The following PRELID2 variants were observed in gnomAD, a reference collection of about 807,000 sequenced individuals.
PRELID2 encodes the protein PRELI domain containing 2.
A neutral mutation model predicts 28.4 loss-of-function variants in PRELID2; 25 were observed. That is an observed-to-expected ratio of 0.88 (90% CI 0.64 to 1.23). PRELID2 has a LOEUF of 1.23. Ranked by LOEUF, PRELID2 falls within the 50% of genes most tolerant of loss-of-function variation. PRELID2 has a pLI of 0.00. For synonymous variants in PRELID2, 76 were observed against 71.6 expected, an observed-to-expected ratio of 1.06 and a Z score of -0.31; for missense variants, 201 against 214.4, an observed-to-expected ratio of 0.94 and a Z score of 0.39.
At chr5:145,313,761 G>C in the PRELID2 span, among the ~76,000 whole-genome samples, 2 of 152,162 alleles carry the variant, frequency 1.3e-5, no homozygotes, top group Non-Finnish European at 2.9e-5. Context: ...AAGAGTTGCA[G>C]CATTACATTA....
chr5:145,415,678 C>T, the PRELID2 span, among the ~76,000 whole-genome samples: 1 of 151,242 alleles, frequency 6.6e-6, no homozygotes, highest in Non-Finnish European at 1.5e-5. Context: ...TCCAGTCTAT[C>T]ATTGTTGGAC....
chr5:145,577,988 T>C (rs545304192), intron 1 of PRELID2, among the ~76,000 whole-genome samples: 12 of 152,266 alleles, frequency 7.9e-5, no homozygotes, highest in Admixed American at 7.9e-4. Flanking sequence ...ACATTTCTTC[T>C]CAGTGTAGGG....
intron 1 of PRELID2, among the ~76,000 whole-genome samples, chr5:145,550,778 G>C (rs547965538): frequency 6.6e-6 from 1 of 152,126 alleles, no homozygotes; most frequent in African/African-American, 2.4e-5. Context: ...GGTGTTTTCC[G>C]TTGTAGAGCC....
the PRELID2 span, among the ~76,000 whole-genome samples, chr5:145,456,839 C>T: frequency 6.6e-6 from 1 of 152,088 alleles, no homozygotes; most frequent in Non-Finnish European, 1.5e-5. Flanking sequence ...GTTATGAGCT[C>T]TTAATACTAT....
At chr5:145,561,629 G>T (rs745944630) in intron 1 of PRELID2, among the ~76,000 whole-genome samples, 9 of 152,178 alleles carry the variant, frequency 5.9e-5, no homozygotes, top group Non-Finnish European at 1.2e-4. Context: ...TAGATGAAAA[G>T]AAAGAGAGAG....
intron 1 of PRELID2, among the ~76,000 whole-genome samples, chr5:145,575,512 T>C (rs1753053110): frequency 6.6e-6 from 1 of 152,136 alleles, no homozygotes; most frequent in South Asian, 2.1e-4. Context: ...TAGCAGAAAT[T>C]AGAATGTAAA....
At chr5:145,781,638 C>T (rs1326263686) in intron 5 of PRELID2, among the ~76,000 whole-genome samples, 2 of 136,024 alleles carry the variant, frequency 1.5e-5, no homozygotes, top group Non-Finnish European at 3.1e-5. Context: ...TATATACACA[C>T]TATATATATA....
chr5:145,725,577 G>A (rs183170832), intron 1 of PRELID2, among the ~76,000 whole-genome samples: 517 of 152,274 alleles, frequency 3.4e-3, no homozygotes, highest in African/African-American at 0.012. Flanking sequence ...TGAAACAAAA[G>A]GCAGTAAGAT....
intron 1 of PRELID2, among the ~76,000 whole-genome samples, chr5:145,732,210 G>A (rs970453725): frequency 1.3e-5 from 2 of 152,176 alleles, no homozygotes; most frequent in Non-Finnish European, 2.9e-5. Context: ...CCTTTATCTT[G>A]CTGAATCTAG....
chr5:145,791,822 C>T (rs1752415219), intron 5 of PRELID2, among the ~76,000 whole-genome samples: 1 of 152,058 alleles, frequency 6.6e-6, no homozygotes, highest in African/African-American at 2.4e-5. Context: ...AATACATCTG[C>T]AGTACACAGA....
At chr5:145,339,507 A>C in the PRELID2 span, among the ~76,000 whole-genome samples, 1 of 152,162 alleles carries the variant, frequency 6.6e-6, no homozygotes, top group Non-Finnish European at 1.5e-5. Flanking sequence ...CAGATAGAGA[A>C]CTAACACACA....
chr5:145,460,260 T>A, the PRELID2 span, among the ~76,000 whole-genome samples: 1 of 152,220 alleles, frequency 6.6e-6, no homozygotes, highest in East Asian at 1.9e-4. Context: ...AATAAAGAGT[T>A]CTTCATACGC....
At chr5:145,790,523 C>T (rs770758663) in intron 5 of PRELID2, among the ~76,000 whole-genome samples, 25 of 151,740 alleles carry the variant, frequency 1.6e-4, no homozygotes, top group Non-Finnish European at 3.1e-4. Context: ...CAAAAAGTTT[C>T]GGTTAGACAG....
At chr5:145,371,994 G>A in the PRELID2 span, among the ~76,000 whole-genome samples, 7 of 151,244 alleles carry the variant, frequency 4.6e-5, no homozygotes, top group African/African-American at 1.7e-4. Context: ...GCTAGCTTTG[G>A]GATTAGTTTG....
chr5:145,494,252 G>A (rs1043324904), intron 1 of PRELID2, among the ~76,000 whole-genome samples: 6 of 152,162 alleles, frequency 3.9e-5, no homozygotes, highest in Middle Eastern at 3.2e-3. Context: ...TCTGTGCTAT[G>A]CTGAAAAAGA....
the PRELID2 span, among the ~76,000 whole-genome samples, chr5:145,242,996 AAAGAG>A: frequency 6.6e-6 from 1 of 152,114 alleles, no homozygotes; most frequent in Non-Finnish European, 1.5e-5. Flanking sequence ...AATTCTTTAG[AAAGAG>A]AAGAGTGGCT....
At chr5:145,230,676 G>C in the PRELID2 span, among the ~76,000 whole-genome samples, 1 of 152,310 alleles carries the variant, frequency 6.6e-6, no homozygotes, top group East Asian at 1.9e-4. Context: ...AAAATCATGG[G>C]TTAATACAAT....
At chr5:145,512,055 G>A (rs372383276) in intron 1 of PRELID2, among the ~76,000 whole-genome samples, 3 of 152,182 alleles carry the variant, frequency 2.0e-5, no homozygotes, top group African/African-American at 7.2e-5. Context: ...GAGGGAATCA[G>A]CAATGAATCC....
intron 1 of PRELID2, among the ~76,000 whole-genome samples, chr5:145,641,685 G>A (rs1226692362): frequency 6.6e-6 from 1 of 152,202 alleles, no homozygotes; most frequent in Non-Finnish European, 1.5e-5. Flanking sequence ...GCCCTGACAG[G>A]CCCTGGTGTG....
Sources: gnomAD v4.1 joint callset for allele counts (sites outside exome capture counted in the v4.1 genomes callset) on GRCh38, gnomAD v4.1.1 for gene constraint, MANE v1.5 for transcripts, NCBI Gene and HGNC (gene_info 2026-07-23, HGNC 2026-07-21) for gene names.